The following RTF1 variants were observed in gnomAD, a reference collection of about 807,000 sequenced individuals.
RTF1 encodes RNA polymerase-associated protein RTF1 homolog.
Under a neutral mutation model 95.7 loss-of-function variants are expected in RTF1, and 10 were observed. That is an observed-to-expected ratio of 0.10 (90% CI 0.06 to 0.18). RTF1 has a LOEUF of 0.18. Among genes scored for constraint, RTF1 ranks in the 10% least tolerant of loss-of-function variants. The pLI is 1.00. For synonymous variants in RTF1, 305 were observed against 311.8 expected, an observed-to-expected ratio of 0.98 and a Z score of 0.23; for missense variants, 458 against 875.6, an observed-to-expected ratio of 0.52 and a Z score of 6.02.
intron 1 of RTF1, 40 bp from the exon 2 acceptor site, chr15:41,438,281 C>A: frequency 7.4e-7 from 1 of 1,345,534 alleles, no homozygotes; most frequent in South Asian, 1.3e-5. Flanking sequence ...TATTCTTTCT[C>A]TGTTGAACAA....
At chr15:41,436,942 C>T (rs1368371944) in intron 1 of RTF1, among the ~76,000 whole-genome samples, 1 of 150,628 alleles carries the variant, frequency 6.6e-6, no homozygotes, top group Admixed American at 6.7e-5. Flanking sequence ...AAAAAATTAC[C>T]CAGGTGTGGT....
At chr15:41,426,312 A>T (rs1165913534) in intron 1 of RTF1, among the ~76,000 whole-genome samples, 7 of 143,090 alleles carry the variant, frequency 4.9e-5, no homozygotes, top group African/African-American at 7.6e-5. Context: ...GTTTGTTTTT[A>T]TTTTTTTTTT....
At chr15:41,455,101 G>T (rs1407675780) in intron 3 of RTF1, among the ~76,000 whole-genome samples, 1 of 151,896 alleles carries the variant, frequency 6.6e-6, no homozygotes, top group Non-Finnish European at 1.5e-5. Flanking sequence ...GGATCACAAG[G>T]TCAGGAGTTT....
chr15:41,425,828 TGAGAA>T (rs2050626231), intron 1 of RTF1, among the ~76,000 whole-genome samples: 1 of 152,102 alleles, frequency 6.6e-6, no homozygotes, highest in Non-Finnish European at 1.5e-5. Flanking sequence ...GATGTTAGGA[TGAGAA>T]GAGGAGTATT....
chr15:41,421,963 T>C (rs199939552), intron 1 of RTF1, among the ~76,000 whole-genome samples: 1 of 152,180 alleles, frequency 6.6e-6, no homozygotes, highest in Non-Finnish European at 1.5e-5. Flanking sequence ...TTCTCAGGCT[T>C]TGGCCTCCCA....
chr15:41,468,418 C>T (rs963176879), intron 6 of RTF1, among the ~76,000 whole-genome samples: 3 of 151,686 alleles, frequency 2.0e-5, no homozygotes, highest in South Asian at 2.1e-4. Flanking sequence ...CCTGGGTTCA[C>T]ACCATTCTCC....
chr15:41,455,797 A>G (rs1034880686), intron 3 of RTF1, among the ~76,000 whole-genome samples: 1 of 151,814 alleles, frequency 6.6e-6, no homozygotes, highest in Non-Finnish European at 1.5e-5. Flanking sequence ...AAAAAGAATG[A>G]TATAATGGAC....
At chr15:41,455,378 A>T (rs1271731042) in intron 3 of RTF1, among the ~76,000 whole-genome samples, 3 of 152,174 alleles carry the variant, frequency 2.0e-5, no homozygotes, top group African/African-American at 7.2e-5. Flanking sequence ...GGAATGAAAT[A>T]ATGGCCTTTG....
In RTF1 at chr15:41,449,988, G is replaced by C. The variant is rs545764029; in HGVS notation, c.310-2913G>C. 2.0e-5 allele frequency among the ~76,000 whole-genome samples: 3 copies of C among 152,154 alleles called. No individual in the cohort carries two copies. In the South Asian group the frequency reaches 6.2e-4, roughly 32 times the overall value. On this transcript the variant is annotated intron_variant, in intron 2 of 17. Transcript: ENST00000389629. Reference sequence around the variant, plus strand: ...AGGCAGGAGAATTGCTTGAACTTAGGAGTTTGAGACTAGCCTTGGTAACAT... The same window carrying C: ...AGGCAGGAGAATTGCTTGAACTTAGCAGTTTGAGACTAGCCTTGGTAACAT...
In RTF1 at chr15:41,438,355, A is replaced by T; in HGVS notation, c.233A>T (p.Asp78Val). The T allele has an allele frequency of 6.4e-7, 1 of 1,551,116 alleles. No individual in the cohort carries two copies. Among genetic ancestry groups the T allele is most frequent in the Non-Finnish European group, 8.7e-7 (1 of 1,146,594 alleles). Reference sequence around the variant, plus strand: ...TCCCTGGCAAAGCGAAAGCGCAGTGACTCTGAGGAGAAGGAGCCGCCTGTG... The same window carrying T: ...TCCCTGGCAAAGCGAAAGCGCAGTGTCTCTGAGGAGAAGGAGCCGCCTGTG... ...LLSLAKRKRSDSEEKEPPVSQ... is the reference protein window; with the variant it reads ...LLSLAKRKRSVSEEKEPPVSQ... The change falls in exon 2 of 18, where the codon GAC (aspartate) becomes GTC (valine). Residue 78 changes from aspartate to valine, a missense_variant. Coordinates refer to ENST00000389629, the MANE Select transcript of RTF1 (RefSeq NM_015138.5).
chr15:41,447,211 A>G (rs939745252), intron 2 of RTF1, among the ~76,000 whole-genome samples: 6 of 152,200 alleles, frequency 3.9e-5, no homozygotes, highest in African/African-American at 1.4e-4. Flanking sequence ...CCTGAGACCT[A>G]GGAATATGGG....
chr15:41,426,830 TTTTGTTTG>T (rs528689623), intron 1 of RTF1, among the ~76,000 whole-genome samples: 1,434 of 140,118 alleles, frequency 0.01, 20 homozygotes, highest in African/African-American at 0.034. Flanking sequence ...TGTGTGTAAT[TTTTGTTTG>T]TTTGTTTGTT....
rs753835145 is a variant in RTF1 at position 41,474,721 on chromosome 15, G to A, written c.1286+19G>A. On this transcript the variant is annotated intron_variant, in intron 9 of 17. Coordinates refer to ENST00000389629, the MANE Select transcript of RTF1 (RefSeq NM_015138.5). ...AACTACGGTAGGAGGCACTTCTGGGGTAGCTTCTGCTTCCACTTCAAACAG... is the reference window on the plus strand; with the variant it reads ...AACTACGGTAGGAGGCACTTCTGGGATAGCTTCTGCTTCCACTTCAAACAG... 6.3e-7 allele frequency: 1 copy of A among 1,585,144 alleles called. No homozygotes were observed. The highest frequency in any genetic ancestry group is 1.1e-5 in the South Asian group (1 of 90,482).
chr15:41,465,515 C>T (rs2050876383), intron 5 of RTF1, among the ~76,000 whole-genome samples: 1 of 152,104 alleles, frequency 6.6e-6, no homozygotes. Flanking sequence ...GTGGCTTATG[C>T]CTTTAATCCC....
At chr15:41,477,644 T>C (rs1351355946) in intron 14 of RTF1, 129 bp downstream of exon 14, 1 of 767,540 alleles carries the variant, frequency 1.3e-6, no homozygotes, top group African/African-American at 1.7e-5. Flanking sequence ...ACACACTCTC[T>C]CTGTATGTCC....
intron 1 of RTF1, among the ~76,000 whole-genome samples, chr15:41,434,002 C>T (rs987168688): frequency 2.0e-5 from 3 of 151,914 alleles, no homozygotes; most frequent in African/African-American, 7.3e-5. Flanking sequence ...TGCACCACCA[C>T]GCACAGCTAA....
intron 4 of RTF1, among the ~76,000 whole-genome samples, chr15:41,458,931 G>T (rs565423627): frequency 6.6e-6 from 1 of 152,004 alleles, no homozygotes; most frequent in African/African-American, 2.4e-5. Context: ...AATTAGCCAA[G>T]CATGGTCGTA....
chr15:41,427,177 A>C (rs1237736198), intron 1 of RTF1, among the ~76,000 whole-genome samples: 1 of 111,230 alleles, frequency 9.0e-6, no homozygotes, highest in African/African-American at 3.6e-5. Context: ...TTTGAGACAG[A>C]GTCTTGCTCT....
At chr15:41,425,296 G>T (rs996456212) in intron 1 of RTF1, among the ~76,000 whole-genome samples, 2 of 151,852 alleles carry the variant, frequency 1.3e-5, no homozygotes, top group Non-Finnish European at 2.9e-5. Flanking sequence ...TAGTAGGCAC[G>T]GGTTTCACCA....
Sources: gnomAD v4.1 joint callset for allele counts (sites outside exome capture counted in the v4.1 genomes callset) on GRCh38, gnomAD v4.1.1 for gene constraint, MANE v1.5 for transcripts, NCBI Gene and HGNC (gene_info 2026-07-23, HGNC 2026-07-21) for gene names.